Variants in MORC1 observed in about 807,000 individuals in gnomAD.
The protein encoded by MORC1 is MORC family CW-type zinc finger 1.
In MORC1, 59 loss-of-function variants were observed where a neutral mutation model predicts 134.9. That is an observed-to-expected ratio of 0.44 (90% CI 0.35 to 0.54). MORC1 has a LOEUF of 0.54. Among genes scored for constraint, MORC1 ranks in the 20% least tolerant of loss-of-function variants. MORC1 has a pLI of 0.00. For missense variants in MORC1, 947 were observed against 1,134.5 expected, an observed-to-expected ratio of 0.83 and a Z score of 2.37; for synonymous variants, 395 against 391.7, an observed-to-expected ratio of 1.01 and a Z score of -0.10.
intron 13 of MORC1, among the ~76,000 whole-genome samples, chr3:109,055,942 C>T (rs1430058017): frequency 4.6e-5 from 7 of 152,170 alleles, no homozygotes; most frequent in African/African-American, 1.7e-4. Flanking sequence ...GGAAGACCTT[C>T]CTGTGGAGAA....
intron 24 of MORC1, among the ~76,000 whole-genome samples, chr3:108,972,325 A>G (rs1245919299): frequency 1.3e-5 from 2 of 152,206 alleles, no homozygotes; most frequent in East Asian, 1.9e-4. Flanking sequence ...AGCCTCATGT[A>G]TATTATCTAA....
At chr3:109,078,795 T>C (rs1950471404) in intron 8 of MORC1, among the ~76,000 whole-genome samples, 1 of 151,800 alleles carries the variant, frequency 6.6e-6, no homozygotes, top group Non-Finnish European at 1.5e-5. Context: ...GATGGGAGAA[T>C]ACATGATATA....
chr3:109,032,396 T>A lies in MORC1; in HGVS notation c.1565+324A>T, dbSNP rs371112109. The stretch of plus-strand genomic sequence containing the variant: ...CCTGGAGACACTCTCTGAGTAACAC[T>A]CCTGTACAATAAGGACATATGTTGT... On this transcript the variant is annotated intron_variant, in intron 16 of 27. Transcript: ENST00000232603. 3.9e-5 allele frequency among the ~76,000 whole-genome samples: 6 copies of A among 152,262 alleles called. No homozygotes were observed. In the South Asian group the frequency reaches 1.2e-3, roughly 32 times the overall value.
chr3:109,072,619 G>A (rs963844483), intron 8 of MORC1, among the ~76,000 whole-genome samples: 4 of 152,106 alleles, frequency 2.6e-5, no homozygotes, highest in Non-Finnish European at 5.9e-5. Context: ...TATGTATGAC[G>A]GATTATCTTC....
At chr3:109,115,021 T>G (rs1951240107) in intron 1 of MORC1, among the ~76,000 whole-genome samples, 2 of 152,228 alleles carry the variant, frequency 1.3e-5, no homozygotes, top group Admixed American at 1.3e-4. Context: ...GGTAACAGAA[T>G]GCTCCAGACA....
At chr3:109,085,284 C>T (rs1172945795) in intron 8 of MORC1, among the ~76,000 whole-genome samples, 1 of 152,060 alleles carries the variant, frequency 6.6e-6, no homozygotes, top group Non-Finnish European at 1.5e-5. Context: ...TAAAAAGTTT[C>T]TGCAAAGCAA....
intron 4 of MORC1, 26 bp downstream of exon 4, chr3:109,103,823 G>A: frequency 6.3e-7 from 1 of 1,585,064 alleles, no homozygotes; most frequent in Non-Finnish European, 8.7e-7. Flanking sequence ...TTAACAGCCA[G>A]TTAGGTATCT....
intron 16 of MORC1, among the ~76,000 whole-genome samples, chr3:109,028,482 G>C (rs1284122969): frequency 6.6e-6 from 1 of 152,134 alleles, no homozygotes; most frequent in Non-Finnish European, 1.5e-5. Flanking sequence ...TGTCGTAAGA[G>C]TATCTGCTTT....
intron 17 of MORC1, among the ~76,000 whole-genome samples, chr3:109,013,542 G>A (rs1174932261): frequency 2.0e-5 from 3 of 152,190 alleles, no homozygotes; most frequent in Non-Finnish European, 4.4e-5. Flanking sequence ...GCAGATAACG[G>A]CTATAGCTTT....
At chr3:109,040,485 A>AAAGAAAGAAACAAAGG (rs61499269) in intron 14 of MORC1, among the ~76,000 whole-genome samples, 1 of 114,528 alleles carries the variant, frequency 8.7e-6, no homozygotes, top group Non-Finnish European at 1.8e-5. Context: ...AGAAAGAAAG[A>AAAGAAAGAAACAAAGG]AAGGAAAGAA....
intron 20 of MORC1, among the ~76,000 whole-genome samples, chr3:109,003,495 C>T (rs1208931669): frequency 6.6e-6 from 1 of 151,138 alleles, no homozygotes; most frequent in African/African-American, 2.4e-5. Flanking sequence ...GGACACACTC[C>T]CAACTTCTCA....
intron 16 of MORC1, among the ~76,000 whole-genome samples, chr3:109,030,487 T>C (rs976872534): frequency 6.6e-6 from 1 of 152,200 alleles, no homozygotes; most frequent in Non-Finnish European, 1.5e-5. Flanking sequence ...GCCCTTTTAA[T>C]CAATTTTGCT....
intron 14 of MORC1, 65 bp from the exon 15 acceptor site, chr3:109,035,533 A>G: frequency 9.2e-7 from 1 of 1,081,994 alleles, no homozygotes; most frequent in Non-Finnish European, 1.3e-6. Flanking sequence ...ACAATTGGCA[A>G]AGGGAAGTTT....
At chr3:109,113,543 T>A (rs1232677270) in intron 2 of MORC1, among the ~76,000 whole-genome samples, 4 of 152,182 alleles carry the variant, frequency 2.6e-5, no homozygotes. Flanking sequence ...CCTACTGAGA[T>A]CCTTGATCTA....
chr3:109,114,438 CTGA>C lies in MORC1; in HGVS notation c.66-4_66-2del, dbSNP rs549309552. ...TCCAAAAAGGAAACTGTGAGTGGTG[CTGA>C]TGAAGAAATAAAGAGAAAACAAAAA... is the stretch of plus-strand genomic sequence containing the variant. On this transcript the variant is annotated splice_acceptor_variant and splice_polypyrimidine_tract_variant and intron_variant, in intron 1 of 27. Coordinates refer to ENST00000232603, the MANE Select transcript of MORC1 (RefSeq NM_014429.4). LOFTEE classifies it high-confidence loss of function. The C allele has an allele frequency of 6.2e-7, 1 of 1,612,330 alleles. No homozygotes were observed.
chr3:108,962,235 G>A (rs1002829325), intron 27 of MORC1, among the ~76,000 whole-genome samples: 1 of 151,782 alleles, frequency 6.6e-6, no homozygotes, highest in African/African-American at 2.4e-5. Flanking sequence ...ACCATCAAAG[G>A]GGAGAGGGAC....
intron 21 of MORC1, among the ~76,000 whole-genome samples, chr3:108,990,460 C>T (rs1431270072): frequency 6.6e-6 from 1 of 152,122 alleles, no homozygotes. Flanking sequence ...TTTGTTCCCC[C>T]AGCTTTTTCC....
At chr3:109,077,207 C>T (rs1950440372) in intron 8 of MORC1, among the ~76,000 whole-genome samples, 1 of 151,952 alleles carries the variant, frequency 6.6e-6, no homozygotes, top group African/African-American at 2.4e-5. Context: ...TGTAGAGATA[C>T]AAAGCTTCCA....
At chr3:109,014,041 GTATTTTGTTATA>G in intron 17 of MORC1, among the ~76,000 whole-genome samples, 1 of 152,156 alleles carries the variant, frequency 6.6e-6, no homozygotes, top group Admixed American at 6.5e-5. Context: ...CCAATCTTTG[GTATTTTGTTATA>G]GTATCACAAA....
Sources: gnomAD v4.1 joint callset for allele counts (sites outside exome capture counted in the v4.1 genomes callset) on GRCh38, gnomAD v4.1.1 for gene constraint, MANE v1.5 for transcripts, NCBI Gene and HGNC (gene_info 2026-07-23, HGNC 2026-07-21) for gene names.